Variants in MORC3 observed in about 807,000 individuals in gnomAD.
The protein encoded by MORC3 is MORC family CW-type zinc finger protein 3.
In MORC3, 31 loss-of-function variants were observed where a neutral mutation model predicts 109.1. The ratio of observed to expected loss-of-function variants is 0.28; its 90% CI spans 0.21 to 0.38. The LOEUF is 0.38. Among genes scored for constraint, MORC3 ranks in the 10% least tolerant of loss-of-function variants. MORC3 has a pLI of 1.00. For synonymous variants in MORC3, 395 were observed against 380.7 expected (o/e 1.04, Z -0.44); for missense variants, 867 against 1,135.8 (o/e 0.76, Z 3.40).
At chr21:36,367,090 T>C (rs2085789723) in intron 14 of MORC3, among the ~76,000 whole-genome samples, 1 of 152,204 alleles carries the variant, frequency 6.6e-6, no homozygotes, top group South Asian at 2.1e-4. Flanking sequence ...GAGACCTCTT[T>C]CCAACCTGCA....
At chr21:36,334,083 G>A (rs995118338) in intron 2 of MORC3, among the ~76,000 whole-genome samples, 5 of 151,914 alleles carry the variant, frequency 3.3e-5, no homozygotes, top group Admixed American at 2.6e-4. Flanking sequence ...CACCGCACCC[G>A]GCCTACAAAA....
At chr21:36,344,745 C>A in intron 7 of MORC3, 38 bp downstream of exon 7, 1 of 1,607,086 alleles carries the variant, frequency 6.2e-7, no homozygotes, top group South Asian at 1.1e-5. Context: ...ATATGTTAGT[C>A]AGGTGTATTC....
chr21:36,340,246 C>T (rs912041059), intron 5 of MORC3, among the ~76,000 whole-genome samples: 1 of 150,656 alleles, frequency 6.6e-6, no homozygotes, highest in Non-Finnish European at 1.5e-5. Context: ...CCACTGCACT[C>T]CAGCCTGGGC....
In MORC3 at chr21:36,345,108, A is replaced by G. The variant is rs2085492902; in HGVS notation, c.1005+77A>G. 4 of 1,368,344 alleles carry G rather than the reference A, an allele frequency of 2.9e-6. No homozygotes were observed. The South Asian group carries it at 4.2e-5, about 15-fold the overall frequency. 84.8% of individuals were successfully genotyped at this position (1,368,344 alleles called of 1,614,324 possible). ...AGGATAATATATGCTCTTGAGTCAA[A>G]TGTTAAATAATTTTATTGTACCTTT... On this transcript the variant is annotated intron_variant, in intron 8 of 16. Transcript: ENST00000400485.
intron 16 of MORC3, among the ~76,000 whole-genome samples, chr21:36,374,628 AAAT>A (rs1389717669): frequency 6.6e-6 from 1 of 152,086 alleles, no homozygotes; most frequent in East Asian, 1.9e-4. Context: ...CCATTGCTAC[AAAT>A]AATAATAATA....
chr21:36,328,906 T>TA (rs111399017), intron 1 of MORC3, among the ~76,000 whole-genome samples: 23,590 of 139,130 alleles, frequency 0.17, 3,191 homozygotes, highest in African/African-American at 0.35. Flanking sequence ...GCTGATGAGG[T>TA]AAAAAAAAAA....
chr21:36,363,364 A>G (rs1006628993), intron 13 of MORC3, among the ~76,000 whole-genome samples: 1 of 152,212 alleles, frequency 6.6e-6, no homozygotes. Context: ...CAGTGAGCCA[A>G]GATCACACCA....
At position 36,358,970 on chromosome 21, in the gene MORC3, C is replaced by T. The variant is rs186914573; in HGVS notation, c.1209-985C>T. ...CTGGGATTACAGGCATGAGCCACCG[C>T]GCCCAGCCTTGATTTTTAAATGAGA... On this transcript the variant is annotated intron_variant, in intron 10 of 16. Transcript: ENST00000400485. Among the ~76,000 whole-genome samples, 6 of 152,172 alleles carry T rather than the reference C, an allele frequency of 3.9e-5. 1 individual carries two copies. Among genetic ancestry groups the T allele is most frequent in the South Asian group, 2.1e-4 (1 of 4,818 alleles).
At chr21:36,335,256 A>G (rs1156295666) in intron 2 of MORC3, among the ~76,000 whole-genome samples, 1 of 152,170 alleles carries the variant, frequency 6.6e-6, no homozygotes. Flanking sequence ...ATATTTTAGA[A>G]TCTTTATCAA....
At chr21:36,341,269 C>T in intron 5 of MORC3, 130 bp from the exon 6 acceptor site, 1 of 821,482 alleles carries the variant, frequency 1.2e-6, no homozygotes, top group Non-Finnish European at 1.8e-6. Flanking sequence ...CTTTGCACCC[C>T]CAACCCCCCA....
chr21:36,341,949 C>T (rs184937634), intron 6 of MORC3, among the ~76,000 whole-genome samples: 15 of 152,166 alleles, frequency 9.9e-5, no homozygotes, highest in South Asian at 2.1e-4. Flanking sequence ...CGTATTTGCC[C>T]GTGCACGGTG....
chr21:36,370,339 G>A (rs567970120), intron 15 of MORC3, among the ~76,000 whole-genome samples: 88 of 152,144 alleles, frequency 5.8e-4, no homozygotes, highest in Non-Finnish European at 1.0e-3. Context: ...ATTGTGTAGG[G>A]GCATTTTTGG....
chr21:36,330,591 C>T (rs2085304013), intron 1 of MORC3, among the ~76,000 whole-genome samples: 1 of 152,226 alleles, frequency 6.6e-6, no homozygotes, highest in Non-Finnish European at 1.5e-5. Flanking sequence ...AGGGCTGTGT[C>T]ATGGGCCATG....
chr21:36,371,337 T>G (rs2085864407), intron 15 of MORC3, among the ~76,000 whole-genome samples: 1 of 152,144 alleles, frequency 6.6e-6, no homozygotes, highest in Non-Finnish European at 1.5e-5. Context: ...CTCCTCAACT[T>G]ATGATGGTGT....
At chr21:36,342,547 C>T (rs535237952) in intron 6 of MORC3, among the ~76,000 whole-genome samples, 3 of 152,102 alleles carry the variant, frequency 2.0e-5, no homozygotes, top group South Asian at 2.1e-4. Context: ...GGACTGCAGG[C>T]GTGTGCCACC....
At chr21:36,373,211 G>GCTA (rs776424253) in intron 16 of MORC3, among the ~76,000 whole-genome samples, 176 of 151,644 alleles carry the variant, frequency 1.2e-3, no homozygotes, top group Admixed American at 1.8e-3. Flanking sequence ...GTGGTGGCAG[G>GCTA]CGCCTGTAGT....
chr21:36,375,526 G>A lies in MORC3; in HGVS notation c.*230G>A, dbSNP rs2085920835. 1 of 374,516 alleles carries A rather than the reference G, an allele frequency of 2.7e-6. No individual in the cohort carries two copies. Among genetic ancestry groups the A allele is most frequent in the African/African-American group, 2.1e-5 (1 of 47,116 alleles). 23.2% of individuals were successfully genotyped at this position (374,516 alleles called of 1,614,324 possible). On this transcript the variant is annotated 3_prime_UTR_variant, in exon 17 of 17. Transcript: ENST00000400485. ...GCAGCTGAAGCTAACTCATGACTCT[G>A]TTTTGAATGTAAATATTTGTAATTA...
In MORC3 at chr21:36,345,429, GT is replaced by G. The variant is rs1210990668; in HGVS notation, c.1005+408del. Among the ~76,000 whole-genome samples the G allele has an allele frequency of 6.2e-5, 9 of 144,786 alleles. No individual in the cohort carries two copies. In the South Asian group the frequency reaches 1.6e-3, roughly 25 times the overall value. The allele number at this position is 144,786 out of a possible 152,430, so 95.0% of individuals were successfully genotyped here. A position where few individuals can be genotyped will look rare whatever the true frequency, so the allele number is the denominator to read the frequency against. The stretch of plus-strand genomic sequence containing the variant: ...CCACGCCTGGTTTTTTTTGTTTTTT[GT>G]TTTTTTTTTGAGACAGAGCCTTGCT... On this transcript the variant is annotated intron_variant, in intron 8 of 16. Coordinates refer to ENST00000400485, the MANE Select transcript of MORC3 (RefSeq NM_015358.3).
chr21:36,360,053 C>T lies in MORC3; in HGVS notation c.1307C>T (p.Ser436Phe), dbSNP rs1356236791. The part of the protein sequence containing the change: ...MDQLPEKWYC[S>F]NNPDPQFRNC... ...CAACTTCCTGAAAAATGGTATTGCT[C>T]CAATAACCCTGACCCACAGTTCAGG... Residue 436 changes from serine (S) to phenylalanine (F), a missense_variant, in exon 11 of 17, where the codon TCC becomes TTC. Physicochemically the swap from Ser to Phe is radical, Grantham distance 155. Transcript: ENST00000400485. 6.2e-7 allele frequency: 1 copy of T among 1,614,120 alleles called. No individual in the cohort carries two copies. The highest frequency in any genetic ancestry group is 8.5e-7 in the Non-Finnish European group (1 of 1,180,024).
Sources: allele counts gnomAD v4.1 joint callset (sites outside exome capture counted in the v4.1 genomes callset), GRCh38; gene constraint gnomAD v4.1.1; transcripts MANE v1.5; gene names NCBI Gene and HGNC (gene_info 2026-07-23, HGNC 2026-07-21).